Variants in CMKLR1 observed in about 807,000 individuals in gnomAD.
CMKLR1 encodes the protein chemerin chemokine-like receptor 1.
Under a neutral mutation model 8.2 loss-of-function variants are expected in CMKLR1, and 6 were observed. The observed-to-expected ratio is 0.73, with a 90% confidence interval of 0.40 to 1.44. CMKLR1 has a LOEUF of 1.44. Among genes scored for constraint, CMKLR1 ranks in the 40% most tolerant of loss-of-function variants. The probability of loss-of-function intolerance (pLI) is 0.02; values close to 1 mark genes in which losing one functional copy is unlikely to be tolerated. For missense variants in CMKLR1, 429 were observed against 478.0 expected, an observed-to-expected ratio of 0.90 and a Z score of 0.96; for synonymous variants, 178 against 181.2, an observed-to-expected ratio of 0.98 and a Z score of 0.14.
At chr12:108,324,354 T>C (rs1325982167) in intron 2 of CMKLR1, among the ~76,000 whole-genome samples, 1 of 152,166 alleles carries the variant, frequency 6.6e-6, no homozygotes, top group African/African-American at 2.4e-5. Context: ...TTACCAGCTG[T>C]GTGACCTTGG....
intron 2 of CMKLR1, among the ~76,000 whole-genome samples, chr12:108,296,853 G>A (rs1334606271): frequency 6.6e-6 from 1 of 152,082 alleles, no homozygotes; most frequent in Non-Finnish European, 1.5e-5. Context: ...CACAGGTAAG[G>A]ATTTTGCTTC....
chr12:108,317,868 C>G (rs1891770389), intron 2 of CMKLR1: 1 of 152,250 alleles, frequency 6.6e-6, no homozygotes, highest in Non-Finnish European at 1.5e-5. Flanking sequence ...GTACCCACCT[C>G]CCTATGTTAG....
intron 2 of CMKLR1, among the ~76,000 whole-genome samples, chr12:108,309,948 T>C (rs1891507262): frequency 6.6e-6 from 1 of 152,170 alleles, no homozygotes; most frequent in South Asian, 2.1e-4. Flanking sequence ...AAATGGGTCA[T>C]TTGGGTCTCC....
chr12:108,331,625 A>G (rs1470206983), intron 1 of CMKLR1, among the ~76,000 whole-genome samples: 1 of 152,242 alleles, frequency 6.6e-6, no homozygotes, highest in East Asian at 1.9e-4. Flanking sequence ...TGCAGACGTC[A>G]TTAGGAATCT....
chr12:108,319,750 C>G (rs1373263982), intron 2 of CMKLR1, among the ~76,000 whole-genome samples: 1 of 152,050 alleles, frequency 6.6e-6, no homozygotes, highest in African/African-American at 2.4e-5. Flanking sequence ...ATGACTTGGC[C>G]TCACACATAA....
chr12:108,328,581 C>T (rs115132644), intron 2 of CMKLR1, among the ~76,000 whole-genome samples: 1,548 of 152,296 alleles, frequency 0.01, 28 homozygotes, highest in African/African-American at 0.035. Context: ...TCTATCCACC[C>T]GGTGGCCATC....
chr12:108,302,384 T>TC (rs1476115982), intron 2 of CMKLR1, among the ~76,000 whole-genome samples: 6 of 152,234 alleles, frequency 3.9e-5, no homozygotes. Flanking sequence ...TCCATGTGCA[T>TC]CGTTTTTGGA....
At chr12:108,311,755 C>T (rs139723083) in intron 2 of CMKLR1, among the ~76,000 whole-genome samples, 12 of 152,288 alleles carry the variant, frequency 7.9e-5, no homozygotes, top group African/African-American at 2.9e-4. Context: ...GCCTCCCTTC[C>T]CCTTGGACAA....
intron 2 of CMKLR1, among the ~76,000 whole-genome samples, chr12:108,316,231 C>T (rs754700552): frequency 5.9e-5 from 9 of 152,224 alleles, no homozygotes; most frequent in Non-Finnish European, 1.2e-4. Context: ...GCTGGCCCTG[C>T]CCCTCAGCTC....
At chr12:108,309,756 C>G (rs1891502328) in intron 2 of CMKLR1, among the ~76,000 whole-genome samples, 1 of 152,174 alleles carries the variant, frequency 6.6e-6, no homozygotes, top group Non-Finnish European at 1.5e-5. Context: ...TCCACAGTCC[C>G]CACCCCTCCC....
At chr12:108,320,704 C>T (rs1307670168) in intron 2 of CMKLR1, 1 of 152,442 alleles carries the variant, frequency 6.6e-6, no homozygotes, top group Non-Finnish European at 1.5e-5. Flanking sequence ...GAAACTGAGC[C>T]AGCAGCTTAG....
In CMKLR1 at chr12:108,292,032, T is replaced by C. The variant is rs763314363; in HGVS notation, c.931A>G (p.Met311Val). Reference protein sequence around the residue: ...ATALAIANSCMNPILYVFMGQ... With the variant: ...ATALAIANSCVNPILYVFMGQ... The stretch of plus-strand genomic sequence containing the variant: ...ATGAAAACATACAGAATGGGGTTCA[T>C]GCAGCTGTTGGCAATGGCAAGGGCA... Residue 311 changes from methionine to valine, a missense_variant, in exon 4 of 4, where the codon ATG becomes GTG. Transcript: ENST00000550402. The C allele has an allele frequency of 1.2e-6, 2 of 1,614,206 alleles. No individual in the cohort carries two copies. The highest frequency in any genetic ancestry group is 4.5e-5 in the East Asian group (2 of 44,874).
chr12:108,329,113 G>T, intron 2 of CMKLR1, among the ~76,000 whole-genome samples: 1 of 152,236 alleles, frequency 6.6e-6, no homozygotes, highest in Admixed American at 6.5e-5. Flanking sequence ...TTAGCTTCGG[G>T]TTGTCTGGAA....
rs144842686 is a variant in CMKLR1, at chr12:108,289,761, C to T, written c.*2080G>A. ...AACTCTTTAAAGCATTCAGAGGCTCCAGCTTGGGATCAATTCAGAGCTGCC... is the reference window on the plus strand; with the variant it reads ...AACTCTTTAAAGCATTCAGAGGCTCTAGCTTGGGATCAATTCAGAGCTGCC... On this transcript the variant is annotated 3_prime_UTR_variant, in exon 4 of 4. Transcript: ENST00000550402. 2.9e-4 allele frequency: 44 copies of T among 152,372 alleles called. No individual in the cohort carries two copies. Among genetic ancestry groups the T allele is most frequent in the African/African-American group, 1.1e-3 (44 of 41,570 alleles). The allele number at this position is 152,372 out of a possible 1,614,324, so 9.4% of individuals were successfully genotyped here.
At chr12:108,335,610 T>A (rs551451359) in intron 1 of CMKLR1, among the ~76,000 whole-genome samples, 1 of 152,224 alleles carries the variant, frequency 6.6e-6, no homozygotes. Context: ...ATGAAATTAT[T>A]GTGGCCAAAG....
chr12:108,324,083 C>CA (rs1891925492), intron 2 of CMKLR1, among the ~76,000 whole-genome samples: 1 of 152,156 alleles, frequency 6.6e-6, no homozygotes, highest in African/African-American at 2.4e-5. Context: ...CATCTCTGGG[C>CA]AAAACCAGGC....
chr12:108,310,942 G>A lies in CMKLR1; in HGVS notation c.-73-17278C>T, dbSNP rs146273113. Among the ~76,000 whole-genome samples the A allele has an allele frequency of 6.2e-3, 945 of 152,018 alleles. 8 individuals are homozygous for A. The highest frequency in any genetic ancestry group is 0.021 in the African/African-American group (863 of 41,468). On this transcript the variant is annotated intron_variant, in intron 2 of 3. Coordinates refer to ENST00000550402, the MANE Select transcript of CMKLR1 (RefSeq NM_001142343.2). ...ACACGTGTGTGAGGCAGGTAAGTTC[G>A]AAGACCGCCCCCCCACCCCCCGCCC... is the stretch of plus-strand genomic sequence containing the variant.
chr12:108,326,048 G>A (rs943390181), intron 2 of CMKLR1, among the ~76,000 whole-genome samples: 1 of 152,094 alleles, frequency 6.6e-6, no homozygotes, highest in Non-Finnish European at 1.5e-5. Context: ...TGACCTCCCA[G>A]GCCTGCCCTA....
At chr12:108,314,085 T>C (rs992108701) in intron 2 of CMKLR1, among the ~76,000 whole-genome samples, 1 of 152,236 alleles carries the variant, frequency 6.6e-6, no homozygotes, top group Admixed American at 6.5e-5. Context: ...TTGTCGATTT[T>C]TTATTTTTGT....
Sources: allele counts gnomAD v4.1 joint callset (sites outside exome capture counted in the v4.1 genomes callset), GRCh38; gene constraint gnomAD v4.1.1; transcripts MANE v1.5; gene names NCBI Gene and HGNC (gene_info 2026-07-23, HGNC 2026-07-21).